The following SPOCK1 variants were observed in gnomAD, a reference collection of about 807,000 sequenced individuals.
The protein encoded by SPOCK1 is SPARC (osteonectin), cwcv and kazal like domains proteoglycan 1.
Under a neutral mutation model 55.3 loss-of-function variants are expected in SPOCK1, and 23 were observed. The observed-to-expected ratio is 0.42, with a 90% CI of 0.30 to 0.59. SPOCK1 has a LOEUF of 0.59. Ranked by LOEUF, SPOCK1 falls within the 20% of genes least tolerant of loss-of-function variation. SPOCK1 has a pLI of 0.22. For missense variants in SPOCK1, 499 were observed against 552.5 expected (o/e 0.90, Z 0.97); for synonymous variants, 226 against 221.0 (o/e 1.02, Z -0.20).
intron 2 of SPOCK1, among the ~76,000 whole-genome samples, chr5:137,490,405 T>C (rs114328861): frequency 1.4e-3 from 211 of 152,264 alleles, no homozygotes; most frequent in African/African-American, 4.9e-3. Context: ...CCAAGTATAG[T>C]GATGCCAACA....
At chr5:137,107,565 C>T (rs1359353876) in intron 5 of SPOCK1, among the ~76,000 whole-genome samples, 1 of 152,194 alleles carries the variant, frequency 6.6e-6, no homozygotes, top group Non-Finnish European at 1.5e-5. Context: ...ATCCCTTCAT[C>T]TCAAGACTCT....
At chr5:137,093,216 C>T (rs970012861) in intron 5 of SPOCK1, among the ~76,000 whole-genome samples, 4 of 152,074 alleles carry the variant, frequency 2.6e-5, no homozygotes, top group Admixed American at 2.0e-4. Flanking sequence ...CTGTATTAAC[C>T]ATCATGATCC....
At chr5:137,302,308 G>A (rs1281029853) in intron 2 of SPOCK1, among the ~76,000 whole-genome samples, 7 of 151,984 alleles carry the variant, frequency 4.6e-5, no homozygotes, top group Admixed American at 2.6e-4. Flanking sequence ...GGTGGCTCAC[G>A]CCTGTAATCC....
chr5:137,206,245 G>T (rs1320968786), intron 3 of SPOCK1, among the ~76,000 whole-genome samples: 1 of 152,206 alleles, frequency 6.6e-6, no homozygotes, highest in Non-Finnish European at 1.5e-5. Flanking sequence ...TTAAAGAAAA[G>T]GGCTTCTGAG....
At chr5:137,429,168 T>C (rs1752694368) in intron 2 of SPOCK1, among the ~76,000 whole-genome samples, 1 of 152,242 alleles carries the variant, frequency 6.6e-6, no homozygotes, top group Non-Finnish European at 1.5e-5. Context: ...CAGATTGGTC[T>C]CCTTTCAGTT....
chr5:137,454,159 G>A (rs1753316998), intron 2 of SPOCK1, among the ~76,000 whole-genome samples: 1 of 152,126 alleles, frequency 6.6e-6, no homozygotes, highest in Non-Finnish European at 1.5e-5. Context: ...TGTTGTCTCT[G>A]TTAGTGTAGC....
At position 137,271,388 on chromosome 5, in the gene SPOCK1, AAT is replaced by A. The variant is rs555381336; in HGVS notation, c.187-4335_187-4334del. 1.7e-4 allele frequency among the ~76,000 whole-genome samples: 25 copies of A among 148,712 alleles called. No individual in the cohort carries two copies. The Middle Eastern group carries it at 0.014, about 85-fold the overall frequency. ...ATACATATATACACATTTTATATAT[AAT>A]ATATATTATTAAAGATATATTTATT... On this transcript the variant is annotated intron_variant, in intron 2 of 10. Coordinates refer to ENST00000394945, the MANE Select transcript of SPOCK1 (RefSeq NM_004598.4).
At chr5:137,455,293 G>T (rs979231038) in intron 2 of SPOCK1, among the ~76,000 whole-genome samples, 3 of 152,194 alleles carry the variant, frequency 2.0e-5, no homozygotes, top group Admixed American at 6.6e-5. Context: ...GCCAGAAAAG[G>T]TGGAGGGACT....
At chr5:137,452,724 A>C (rs1753281410) in intron 2 of SPOCK1, among the ~76,000 whole-genome samples, 1 of 152,342 alleles carries the variant, frequency 6.6e-6, no homozygotes, top group East Asian at 1.9e-4. Context: ...TCAAATGCAA[A>C]AGCTATAGTT....
chr5:137,266,073 A>G lies in SPOCK1; in HGVS notation c.232+937T>C, dbSNP rs1013296893. On this transcript the variant is annotated intron_variant, in intron 3 of 10. Transcript: ENST00000394945. ...TGCTTACGAGAAAACCAGAGTCCAG[A>G]GGTAGTGACCCATTAAACTGACCAA... Among the ~76,000 whole-genome samples, 57 of 152,180 alleles carry G rather than the reference A, an allele frequency of 3.7e-4. 1 individual carries two copies. The highest frequency in any genetic ancestry group is 1.4e-3 in the African/African-American group (56 of 41,448).
intron 2 of SPOCK1, among the ~76,000 whole-genome samples, chr5:137,470,340 G>T (rs148750311): frequency 6.6e-6 from 1 of 152,198 alleles, no homozygotes; most frequent in Admixed American, 6.5e-5. Flanking sequence ...TTTACGAAAA[G>T]AGGTCAGTCA....
chr5:137,116,424 C>A (rs1004800077), intron 4 of SPOCK1, among the ~76,000 whole-genome samples: 4 of 152,130 alleles, frequency 2.6e-5, no homozygotes, highest in African/African-American at 9.7e-5. Flanking sequence ...GCGGGTGGAT[C>A]ACCTGAGGTC....
In SPOCK1 at chr5:137,067,781, G is replaced by T. The variant is rs201888683; in HGVS notation, c.523C>A (p.Leu175Ile). The stretch of plus-strand genomic sequence containing the variant: ...AGACAGGGACAGGGCCCATCACAGA[G>T]GGTGGCGAGGCTTTTGCCAGTAGAA... The part of the protein sequence containing the change: ...ACSTGKSLAT[L>I]CDGPCPCLPE... The change falls in exon 6 of 11, where the codon CTC (leucine) becomes ATC (isoleucine). Residue 175 changes from leucine (L) to isoleucine (I), a missense_variant. This residue lies in a region of SPOCK1 where 386 missense variants were observed against 400.6 expected (regional missense o/e 0.96). Coordinates refer to ENST00000394945, the MANE Select transcript of SPOCK1 (RefSeq NM_004598.4). 1.0e-4 allele frequency: 165 copies of T among 1,614,052 alleles called. No individual in the cohort carries two copies. The highest frequency in any genetic ancestry group is 1.4e-4 in the Non-Finnish European group (162 of 1,180,044).
intron 4 of SPOCK1, among the ~76,000 whole-genome samples, chr5:137,115,141 TGCA>T (rs1753552563): frequency 6.6e-6 from 1 of 152,136 alleles, no homozygotes; most frequent in Admixed American, 6.5e-5. Context: ...GAGGGCCTGG[TGCA>T]TCCTGGACGC....
chr5:137,009,086 T>C (rs569715932), intron 6 of SPOCK1, among the ~76,000 whole-genome samples: 3 of 152,254 alleles, frequency 2.0e-5, no homozygotes, highest in African/African-American at 7.2e-5. Flanking sequence ...AATTCACCTC[T>C]CAAAAGAATA....
At chr5:137,430,092 C>T (rs968519712) in intron 2 of SPOCK1, among the ~76,000 whole-genome samples, 13 of 152,162 alleles carry the variant, frequency 8.5e-5, no homozygotes, top group Non-Finnish European at 1.8e-4. Context: ...TGGTAAACAG[C>T]GTTTGATGAG....
chr5:136,978,261 G>A lies in SPOCK1; in HGVS notation c.*393C>T. 1 of 302,622 alleles carries A rather than the reference G, an allele frequency of 3.3e-6. No individual in the cohort carries two copies. The highest frequency in any genetic ancestry group is 6.0e-6 in the Non-Finnish European group (1 of 166,502). The allele number at this position is 302,622 out of a possible 1,614,324, so 18.7% of individuals were successfully genotyped here. ...AAGCACTTAGACACTGTAAGGCTGGGAACCATGCTGTAATAACCACCAGTG... is the reference window on the plus strand; with the variant it reads ...AAGCACTTAGACACTGTAAGGCTGGAAACCATGCTGTAATAACCACCAGTG... On this transcript the variant is annotated 3_prime_UTR_variant, in exon 11 of 11. Transcript: ENST00000394945.
rs560308430 is a variant in SPOCK1 at position 137,143,144 on chromosome 5, T to C, written c.233-2450A>G. 8.5e-5 allele frequency among the ~76,000 whole-genome samples: 13 copies of C among 152,276 alleles called. No homozygotes were observed. The South Asian group carries it at 2.5e-3, about 29-fold the overall frequency. On this transcript the variant is annotated intron_variant, in intron 3 of 10. Transcript: ENST00000394945. ...GACCACAGGCAGCCCCAGTCATAGT[T>C]ATCAGCTGAGGCATTTTCCCCAACA...
intron 6 of SPOCK1, among the ~76,000 whole-genome samples, chr5:137,021,306 G>C (rs1751560910): frequency 6.6e-6 from 1 of 152,106 alleles, no homozygotes; most frequent in South Asian, 2.1e-4. Flanking sequence ...ATATTCTAAA[G>C]CAAGCAAAAC....
Sources: allele counts gnomAD v4.1 joint callset (sites outside exome capture counted in the v4.1 genomes callset), GRCh38; gene constraint gnomAD v4.1.1; regional missense constraint gnomAD v4.1.1; transcripts MANE v1.5; gene names NCBI Gene and HGNC (gene_info 2026-07-23, HGNC 2026-07-21).